ABCA4: variants seen among roughly 807,000 people sequenced by gnomAD.
The protein encoded by ABCA4 is ATP binding cassette subfamily A member 4.
A neutral mutation model predicts 263.7 loss-of-function variants in ABCA4; 196 were observed. The observed-to-expected ratio is 0.74, with a 90% confidence interval of 0.66 to 0.84. The LOEUF (loss-of-function observed/expected upper bound fraction) is 0.84, where lower values mean the gene tolerates loss of function less well. Ranked by LOEUF, ABCA4 falls within the 40% of genes least tolerant of loss-of-function variation. ABCA4 has a pLI of 0.00. For synonymous variants in ABCA4, 1,133 were observed against 1,094.2 expected, an observed-to-expected ratio of 1.04 and a Z score of -0.70; for missense variants, 2,792 against 2,855.1, an observed-to-expected ratio of 0.98 and a Z score of 0.50.
chr1:94,110,416 G>A (rs1662572460), intron 3 of ABCA4, among the ~76,000 whole-genome samples: 1 of 152,172 alleles, frequency 6.6e-6, no homozygotes. Context: ...GCTTCTCCTG[G>A]AAGAATCATA....
intron 43 of ABCA4, 54 bp from the exon 44 acceptor site, chr1:94,005,636 A>G (rs1659358483): frequency 6.3e-7 from 1 of 1,581,370 alleles, no homozygotes; most frequent in African/African-American, 1.3e-5. Flanking sequence ...AGGGATGACC[A>G]TAGAGCTAGG....
chr1:94,043,522 T>C (rs1484666076), intron 20 of ABCA4, 47 bp from the exon 21 acceptor site: 4 of 1,611,670 alleles, frequency 2.5e-6, no homozygotes. Context: ...GCACTTCCAC[T>C]TCCAGCAGCT....
chr1:94,047,355 G>C lies in ABCA4; in HGVS notation c.2744-262C>G, dbSNP rs72725166. ...ACTCTTACAATGGTCCTAAGGGGTA[G>C]ACATTTATTAGGCTCATTTCCATAG... On this transcript the variant is annotated intron_variant, in intron 18 of 49. Transcript: ENST00000370225. Among the ~76,000 whole-genome samples, 7,412 of 152,276 alleles carry C rather than the reference G, an allele frequency of 0.049. 234 individuals carry two copies. The highest frequency in any genetic ancestry group is 0.073 in the African/African-American group (3,019 of 41,524).
At chr1:94,091,768 T>C (rs1003102029) in intron 6 of ABCA4, among the ~76,000 whole-genome samples, 2 of 152,232 alleles carry the variant, frequency 1.3e-5, no homozygotes, top group African/African-American at 4.8e-5. Flanking sequence ...TGAAGGGATC[T>C]GCCTCTACTA....
rs1253585396 is a variant in ABCA4, at chr1:94,051,633, C to A, written c.2653G>T (p.Gly885Trp). The change falls in exon 17 of 50, where the codon GGG becomes TGG. Residue 885 changes from glycine (G) to tryptophan (W), a missense_variant and splice_region_variant. Coordinates refer to ENST00000370225, the MANE Select transcript of ABCA4 (RefSeq NM_000350.3). ...LQESYWLGGEGCSTREERALE... is the reference protein window; with the variant it reads ...LQESYWLGGEWCSTREERALE... ...AAGATTTGTGTTTTAAAGGACTCAC[C>A]TTCACCGCCAAGCCAATACGACTCT... The A allele has an allele frequency of 1.2e-6, 2 of 1,613,328 alleles. No homozygotes were observed. The highest frequency in any genetic ancestry group is 2.2e-5 in the South Asian group (2 of 91,054).
intron 11 of ABCA4, among the ~76,000 whole-genome samples, chr1:94,067,501 G>A (rs1368045717): frequency 3.3e-5 from 5 of 152,136 alleles, no homozygotes; most frequent in African/African-American, 9.7e-5. Context: ...ATTCTCAAAC[G>A]TTCATTTACC....
intron 40 of ABCA4, 126 bp downstream of exon 40, chr1:94,010,674 G>A (rs1659519307): frequency 7.2e-7 from 1 of 1,391,210 alleles, no homozygotes; most frequent in Non-Finnish European, 1.0e-6. Context: ...GAAAAGCCAG[G>A]CTTTGAGAAT....
chr1:94,030,469 C>T lies in ABCA4; in HGVS notation c.4311G>A (p.Lys1437=), dbSNP rs906212759. The change falls in exon 29 of 50, where the codon AAG becomes AAA. Residue 1437 remains lysine, a synonymous_variant. Transcript: ENST00000370225. ...FTVLADVLLN[K]PGFGNRCLKE... Reference sequence around the variant, plus strand: ...TCAGGCAGCGGTTGCCAAAGCCTGGCTTATTCAGGAGGACGTCTGCAAGTA... The same window carrying T: ...TCAGGCAGCGGTTGCCAAAGCCTGGTTTATTCAGGAGGACGTCTGCAAGTA... 1 of 1,614,220 alleles carries T rather than the reference C, an allele frequency of 6.2e-7. No homozygotes were observed.
rs1661600739 is a variant in ABCA4, at chr1:94,078,588, A to C, written c.1356+2T>G. 4.9e-6 allele frequency: 4 copies of C among 812,154 alleles called. No individual in the cohort carries two copies. Among genetic ancestry groups the C allele is most frequent in the Non-Finnish European group, 5.5e-6 (3 of 550,048 alleles). The allele number at this position is 812,154 out of a possible 1,614,324, so 50.3% of individuals were successfully genotyped here. A position where few individuals can be genotyped will look rare whatever the true frequency, so the allele number is the denominator to read the frequency against. On this transcript the variant is annotated splice_donor_variant, in intron 10 of 49. Coordinates refer to ENST00000370225, the MANE Select transcript of ABCA4 (RefSeq NM_000350.3). LOFTEE classifies it high-confidence loss of function. The stretch of plus-strand genomic sequence containing the variant: ...CCCTCCCCATCCTCCAACCCCCCTT[A>C]CTCTGATCATGTTCATCTGTGTGCT...
chr1:94,060,312 C>A (rs1157676521), intron 14 of ABCA4, among the ~76,000 whole-genome samples: 1 of 152,164 alleles, frequency 6.6e-6, no homozygotes, highest in Non-Finnish European at 1.5e-5. Flanking sequence ...GGACCATGGA[C>A]CCCTGGGCAG....
At chr1:94,081,640 G>A (rs113416243) in intron 7 of ABCA4, among the ~76,000 whole-genome samples, 10 of 152,244 alleles carry the variant, frequency 6.6e-5, no homozygotes, top group East Asian at 5.8e-4. Flanking sequence ...CTGTGTGTGC[G>A]TTTTAAAATT....
Position 94,042,831 on chromosome 1 carries a change from G to A in ABCA4, c.3258C>T (p.Asp1086=), listed in dbSNP as rs779523100. The A allele has an allele frequency of 9.3e-6, 15 of 1,614,040 alleles. No individual in the cohort carries two copies. Among genetic ancestry groups the A allele is most frequent in the South Asian group, 4.4e-5 (4 of 91,086 alleles). The part of the protein sequence containing the change: ...FVGDAKVVIL[D]EPTSGVDPYS... ...AAGGGTCCACCCCAGAGGTGGGTTC[G>A]TCCAGAATCACCACCTTGGCATCTC... Residue 1086 remains aspartate, a synonymous_variant, in exon 22 of 50, where the codon GAC becomes GAT. Coordinates refer to ENST00000370225, the MANE Select transcript of ABCA4 (RefSeq NM_000350.3).
At chr1:94,060,376 T>C (rs1051670706) in intron 14 of ABCA4, among the ~76,000 whole-genome samples, 161 bp downstream of exon 14, 2 of 152,074 alleles carry the variant, frequency 1.3e-5, no homozygotes, top group Non-Finnish European at 2.9e-5. Context: ...GGAGATTTCG[T>C]CTCTTTGAGT....
In ABCA4 at chr1:94,080,467, A is replaced by T; in HGVS notation, c.1099+11T>A. 1 of 1,614,188 alleles carries T rather than the reference A, an allele frequency of 6.2e-7. No homozygotes were observed. Among genetic ancestry groups the T allele is most frequent in the Non-Finnish European group, 8.5e-7 (1 of 1,180,034 alleles). On this transcript the variant is annotated intron_variant, in intron 8 of 49. Coordinates refer to ENST00000370225, the MANE Select transcript of ABCA4 (RefSeq NM_000350.3). ...AGAGGCCAATTTATAAGCAGGACTC[A>T]GAAAACTTACTTGTTCTTCTGTCAT...
chr1:94,073,780 A>C (rs1035716776), intron 11 of ABCA4, among the ~76,000 whole-genome samples: 6 of 152,304 alleles, frequency 3.9e-5, no homozygotes, highest in Admixed American at 6.5e-5. Context: ...CTGGAAAACA[A>C]GACATTTATG....
intron 1 of ABCA4, among the ~76,000 whole-genome samples, chr1:94,114,013 A>G (rs1025427670): frequency 1.3e-5 from 2 of 152,094 alleles, no homozygotes; most frequent in Non-Finnish European, 2.9e-5. Context: ...TGCAACCCTT[A>G]CTCCAGGGAC....
intron 6 of ABCA4, among the ~76,000 whole-genome samples, chr1:94,096,348 C>G (rs960573163): frequency 6.6e-6 from 1 of 152,148 alleles, no homozygotes; most frequent in African/African-American, 2.4e-5. Context: ...TTGGCCCTTT[C>G]TAGGCTGCAC....
rs1557775530 is a variant in ABCA4 at position 94,036,793 on chromosome 1, CAAG to C, written c.3814-8_3814-6del. ...CTCCGTGACCTTCAGAAAAATCTGT[CAAG>C]AAGAAAAAAAGAGAGAATTTTGTTT... On this transcript the variant is annotated splice_region_variant and splice_polypyrimidine_tract_variant and intron_variant, in intron 25 of 49. Transcript: ENST00000370225. The C allele has an allele frequency of 1.9e-6, 3 of 1,613,684 alleles. No homozygotes were observed. The highest frequency in any genetic ancestry group is 1.7e-6 in the Non-Finnish European group (2 of 1,179,768).
intron 17 of ABCA4, 88 bp downstream of exon 17, chr1:94,051,545 G>A (rs1399494285): frequency 8.3e-7 from 1 of 1,204,828 alleles, no homozygotes; most frequent in African/African-American, 1.5e-5. Context: ...CGTTTACATA[G>A]AGGGCCACCT....
Sources: allele counts gnomAD v4.1 joint callset (sites outside exome capture counted in the v4.1 genomes callset), GRCh38; gene constraint gnomAD v4.1.1; transcripts MANE v1.5; gene names NCBI Gene and HGNC (gene_info 2026-07-23, HGNC 2026-07-21).